The following C3orf22 variants were observed in gnomAD, a reference collection of about 807,000 sequenced individuals.
C3orf22 encodes uncharacterized protein C3orf22.
C3orf22 carries 7 observed loss-of-function variants against 10.8 expected under a neutral mutation model. The observed-to-expected ratio is 0.65, with a 90% CI of 0.37 to 1.22. C3orf22 has a LOEUF of 1.22. Ranked by LOEUF, C3orf22 falls within the 50% of genes most tolerant of loss-of-function variation. C3orf22 has a pLI of 0.02. For synonymous variants in C3orf22, 79 were observed against 78.9 expected (o/e 1.00, Z 0.00); for missense variants, 173 against 177.0 (o/e 0.98, Z 0.13).
At chr3:126,537,351 C>T (rs1485368914) in intron 4 of C3orf22, among the ~76,000 whole-genome samples, 1 of 152,112 alleles carries the variant, frequency 6.6e-6, no homozygotes, top group Non-Finnish European at 1.5e-5. Flanking sequence ...GCACGCAGGC[C>T]CTGCAGGTGT....
chr3:126,546,835 G>A (rs1186428527), downstream of C3orf22, among the ~76,000 whole-genome samples: 5 of 152,140 alleles, frequency 3.3e-5, no homozygotes, highest in African/African-American at 1.2e-4. Flanking sequence ...TTCTCTATGG[G>A]CTAACTGGGA....
chr3:126,553,387 C>A lies in C3orf22; in HGVS notation c.4G>T (p.Asp2Tyr), dbSNP rs1271898156. The change falls in exon 2 of 4, where the codon GAC becomes TAC. Residue 2 changes from aspartate to tyrosine, a missense_variant. Transcript: ENST00000318225. M[D>Y]SSACKKSHQS... is the part of the protein sequence containing the mutation. ...TGAGACTTCTTGCAGGCACTGGAGT[C>A]CATCACTGAGTGGGTTAAGCTGAGG... 8 of 1,613,852 alleles carry A rather than the reference C, an allele frequency of 5.0e-6. No individual in the cohort carries two copies. The highest frequency in any genetic ancestry group is 6.8e-6 in the Non-Finnish European group (8 of 1,179,938).
At chr3:126,541,632 C>G (rs1050229893) in intron 4 of C3orf22, 4 of 1,172,632 alleles carry the variant, frequency 3.4e-6, no homozygotes, top group Non-Finnish European at 4.5e-6. Context: ...GGCGCAGCTC[C>G]TGCTCCCAAT....
At chr3:126,541,934 A>G (rs1936966781) in intron 4 of C3orf22, 2 of 1,593,156 alleles carry the variant, frequency 1.3e-6, no homozygotes, top group Non-Finnish European at 1.7e-6. Context: ...GCTGGCGCTG[A>G]GCGGCCAAGC....
At chr3:126,550,655 C>G (rs994248765) in intron 3 of C3orf22, among the ~76,000 whole-genome samples, 1 of 152,352 alleles carries the variant, frequency 6.6e-6, no homozygotes, top group African/African-American at 2.4e-5. Context: ...CCCACAGCCC[C>G]CTCCCTACCT....
chr3:126,541,808 C>T lies in C3orf22; in HGVS notation c.286+7729G>A, dbSNP rs1181235861. The T allele has an allele frequency of 3.2e-6, 5 of 1,555,588 alleles. No individual in the cohort carries two copies. In the South Asian group the frequency reaches 4.7e-5, roughly 15 times the overall value. ...GAACAGCGCCTGTAGCCGCCACTCA[C>T]GCCGGCAGCGCCTGCTACAGCCGGA... is the stretch of plus-strand genomic sequence containing the variant. On this transcript the variant is annotated intron_variant and NMD_transcript_variant, in intron 4 of 5. Coordinates refer to the C3orf22 transcript ENST00000505070.
chr3:126,557,077 T>C (rs1937364664), intron 1 of C3orf22, among the ~76,000 whole-genome samples: 1 of 148,628 alleles, frequency 6.7e-6, no homozygotes, highest in African/African-American at 2.5e-5. Context: ...CACACACAGA[T>C]TCACACACAC....
chr3:126,552,601 C>A (rs748072796), intron 2 of C3orf22, among the ~76,000 whole-genome samples: 1 of 152,208 alleles, frequency 6.6e-6, no homozygotes, highest in Non-Finnish European at 1.5e-5. Flanking sequence ...TGGAGCTCAT[C>A]GTCCCCACCT....
intron 4 of C3orf22, among the ~76,000 whole-genome samples, chr3:126,544,173 G>A (rs1040478047): frequency 2.6e-5 from 4 of 152,096 alleles, no homozygotes; most frequent in Admixed American, 6.6e-5. Context: ...GAGTCACCAT[G>A]GGAGTGGGAC....
At position 126,549,698 on chromosome 3, in the gene C3orf22, G is replaced by A; in HGVS notation, c.*170C>T. 6.6e-7 allele frequency: 1 copy of A among 1,525,728 alleles called. No individual in the cohort carries two copies. Among genetic ancestry groups the A allele is most frequent in the Non-Finnish European group, 8.8e-7 (1 of 1,140,528 alleles). 94.5% of individuals were successfully genotyped at this position (1,525,728 alleles called of 1,614,324 possible). A position where few individuals can be genotyped will look rare whatever the true frequency, so the allele number is the denominator to read the frequency against. Reference sequence around the variant, plus strand: ...TGATCATTCCAGCTGGAAGTGGGGTGGGAACTCGCAGTTTATTAGCTTGGT... The same window carrying A: ...TGATCATTCCAGCTGGAAGTGGGGTAGGAACTCGCAGTTTATTAGCTTGGT... On this transcript the variant is annotated 3_prime_UTR_variant, in exon 4 of 4. Transcript: ENST00000318225.
chr3:126,543,192 GC>G (rs1937009901), intron 4 of C3orf22: 2 of 152,292 alleles, frequency 1.3e-5, no homozygotes, highest in African/African-American at 4.8e-5. Flanking sequence ...CAGGCTCCAT[GC>G]CAACAGAGCC....
chr3:126,542,921 C>A (rs570374047), intron 4 of C3orf22: 49 of 194,544 alleles, frequency 2.5e-4, no homozygotes, highest in Non-Finnish European at 2.0e-4. Context: ...TGCCCCTGAA[C>A]CTGTTCATGG....
At chr3:126,551,587 A>G (rs1490704403) in intron 3 of C3orf22, among the ~76,000 whole-genome samples, 1 of 152,188 alleles carries the variant, frequency 6.6e-6, no homozygotes, top group African/African-American at 2.4e-5. Flanking sequence ...CCCAGTGCAG[A>G]GGTCCCTGCC....
At chr3:126,529,107 C>T (rs1936595010) in intron 5 of C3orf22, 1 of 389,694 alleles carries the variant, frequency 2.6e-6, no homozygotes, top group Admixed American at 3.0e-5. Flanking sequence ...AACAGCATCC[C>T]CCTACATGAT....
At chr3:126,545,118 G>C (rs997463994), downstream of C3orf22, among the ~76,000 whole-genome samples, 6 of 152,272 alleles carry the variant, frequency 3.9e-5, no homozygotes, top group Non-Finnish European at 5.9e-5. Context: ...CATGTGCAGA[G>C]CTGGACAACA....
downstream of C3orf22, among the ~76,000 whole-genome samples, chr3:126,549,250 C>CT (rs779458529): frequency 6.6e-3 from 38 of 5,720 alleles, 1 homozygote; most frequent in East Asian, 0.05. Context: ...TCCTCATCCA[C>CT]GCCCCCCCCC....
intron 4 of C3orf22, among the ~76,000 whole-genome samples, chr3:126,539,029 C>G (rs1873397): frequency 0.53 from 80,450 of 152,058 alleles, 23,759 homozygotes; most frequent in South Asian, 0.73. Flanking sequence ...GTATCCACTG[C>G]TTTGCCGTGT....
intron 4 of C3orf22, among the ~76,000 whole-genome samples, chr3:126,535,235 T>A (rs1350495031): frequency 1.6e-5 from 2 of 125,938 alleles, no homozygotes; most frequent in African/African-American, 6.3e-5. Flanking sequence ...ACAGACAGCA[T>A]CCCTGTCCTC....
intron 4 of C3orf22, among the ~76,000 whole-genome samples, chr3:126,530,779 ACT>A (rs1936641041): frequency 6.6e-6 from 1 of 152,204 alleles, no homozygotes; most frequent in South Asian, 2.1e-4. Flanking sequence ...CAGATCTCTG[ACT>A]CTGTCTGGAG....
Sources: gnomAD v4.1 joint callset for allele counts (sites outside exome capture counted in the v4.1 genomes callset) on GRCh38, gnomAD v4.1.1 for gene constraint, MANE v1.5 for transcripts, NCBI Gene and HGNC (gene_info 2026-07-23, HGNC 2026-07-21) for gene names.